BOLL: variants seen among roughly 807,000 people sequenced by gnomAD.
BOLL encodes boule RNA binding protein.
Under a neutral mutation model 44.4 loss-of-function variants are expected in BOLL, and 23 were observed. The observed-to-expected ratio is 0.52, with a 90% CI of 0.37 to 0.73. BOLL has a LOEUF of 0.73. BOLL is among the 30% of genes least tolerant of loss of function. The probability of loss-of-function intolerance (pLI) is 0.00; values close to 1 mark genes in which losing one functional copy is unlikely to be tolerated. For missense variants in BOLL, 287 were observed against 338.3 expected, an observed-to-expected ratio of 0.85 and a Z score of 1.19; for synonymous variants, 97 against 110.8, an observed-to-expected ratio of 0.88 and a Z score of 0.78.
chr2:197,757,491 C>T, intron 7 of BOLL, 91 bp from the exon 8 acceptor site: 2 of 1,076,682 alleles, frequency 1.9e-6, no homozygotes, highest in Admixed American at 4.7e-5. Context: ...GAAGTTGGAC[C>T]CTCACACCAT....
At chr2:197,785,416 G>T, upstream of BOLL, 2 of 981,892 alleles carry the variant, frequency 2.0e-6, no homozygotes, top group East Asian at 1.1e-4. This position sits in a 1 kb window ranked among gnomAD's most constrained non-coding sequence, Gnocchi z 6.7. Flanking sequence ...GGCCTGTGCG[G>T]GCAGTCCTCC....
rs1219931386 is a variant in BOLL, at chr2:197,778,833, A to ACACACACACACAC, written c.221+141_221+142insGTGTGTGTGTGTG. 2.3e-5 allele frequency: 14 copies of ACACACACACACAC among 597,058 alleles called. No individual in the cohort carries two copies. The African/African-American group carries it at 2.7e-4, about 11-fold the overall frequency. The allele number at this position is 597,058 out of a possible 1,614,324, so 37.0% of individuals were successfully genotyped here. A position where few individuals can be genotyped will look rare whatever the true frequency, so the allele number is the denominator to read the frequency against. Reference sequence around the variant, plus strand: ...ACACACACACACACACACACACACAAGGAAATCAAAAGGTAGGAGGAAAGA... The same window carrying ACACACACACACAC: ...ACACACACACACACACACACACACAACACACACACACACGGAAATCAAAAGGTAGGAGGAAAGA... On this transcript the variant is annotated intron_variant, in intron 3 of 10. Transcript: ENST00000392296.
At chr2:197,739,350 C>T (rs955709997) in intron 10 of BOLL, among the ~76,000 whole-genome samples, 1 of 152,120 alleles carries the variant, frequency 6.6e-6, no homozygotes. Flanking sequence ...TAACCTTGAA[C>T]CTTTGGGCTC....
chr2:197,737,123 A>T (rs937932268), intron 10 of BOLL, among the ~76,000 whole-genome samples: 1 of 151,750 alleles, frequency 6.6e-6, no homozygotes, highest in African/African-American at 2.4e-5. Context: ...TTTCTTAAAG[A>T]TCTATTACTG....
intron 10 of BOLL, among the ~76,000 whole-genome samples, chr2:197,734,378 G>A (rs2106314332): frequency 6.6e-6 from 1 of 152,254 alleles, no homozygotes; most frequent in Non-Finnish European, 1.5e-5. Flanking sequence ...CTGTAAACCA[G>A]TTCAACCATT....
At chr2:197,738,574 A>C (rs187761468) in intron 10 of BOLL, among the ~76,000 whole-genome samples, 22 of 152,310 alleles carry the variant, frequency 1.4e-4, no homozygotes, top group Non-Finnish European at 2.6e-4. Flanking sequence ...CAGCAGTTAG[A>C]CTTGTGCTTC....
chr2:197,760,076 C>A (rs1688684312), intron 7 of BOLL, among the ~76,000 whole-genome samples: 1 of 152,154 alleles, frequency 6.6e-6, no homozygotes, highest in South Asian at 2.1e-4. Flanking sequence ...GTGTCCCAGG[C>A]CTGAAAAGCA....
At chr2:197,779,301 T>C (rs1303909298) in intron 2 of BOLL, among the ~76,000 whole-genome samples, 1 of 152,014 alleles carries the variant, frequency 6.6e-6, no homozygotes, top group East Asian at 1.9e-4. Flanking sequence ...GCTGAATTAT[T>C]TTAAAACTAC....
At chr2:197,766,993 T>C (rs1338861995) in intron 6 of BOLL, among the ~76,000 whole-genome samples, 10 of 152,052 alleles carry the variant, frequency 6.6e-5, no homozygotes, top group Admixed American at 6.6e-4. Context: ...TAATAGTGTT[T>C]AGAACTGAAT....
At chr2:197,729,033 C>A (rs1015283666) in intron 10 of BOLL, among the ~76,000 whole-genome samples, 2 of 152,148 alleles carry the variant, frequency 1.3e-5, no homozygotes, top group African/African-American at 4.8e-5. Flanking sequence ...ACGCAGAAGA[C>A]GGGTGATTTC....
chr2:197,760,941 A>T (rs1574843587), intron 7 of BOLL, among the ~76,000 whole-genome samples: 1 of 152,192 alleles, frequency 6.6e-6, no homozygotes, highest in Admixed American at 6.5e-5. Context: ...ATATTTAGAT[A>T]TATTCAAAAT....
chr2:197,728,195 A>T lies in BOLL; in HGVS notation c.*360T>A. 1 of 371,884 alleles carries T rather than the reference A, an allele frequency of 2.7e-6. No homozygotes were observed. Among genetic ancestry groups the T allele is most frequent in the Non-Finnish European group, 4.8e-6 (1 of 209,562 alleles). The allele number at this position is 371,884 out of a possible 1,614,324, so 23.0% of individuals were successfully genotyped here. On this transcript the variant is annotated 3_prime_UTR_variant, in exon 11 of 11. Coordinates refer to ENST00000392296, the MANE Select transcript of BOLL (RefSeq NM_033030.6). ...CAAATAATATGAAACATAACATCTA[A>T]TTGTTTGATAAGAAAAAATAACACA...
intron 6 of BOLL, among the ~76,000 whole-genome samples, chr2:197,767,704 T>C (rs2106369207): frequency 6.6e-6 from 1 of 152,006 alleles, no homozygotes; most frequent in Non-Finnish European, 1.5e-5. Context: ...CTTCTAAACA[T>C]CCTACAGTGC....
At chr2:197,768,254 T>C (rs1011671225) in intron 6 of BOLL, among the ~76,000 whole-genome samples, 1 of 152,026 alleles carries the variant, frequency 6.6e-6, no homozygotes, top group Non-Finnish European at 1.5e-5. Context: ...AATGGAGAGA[T>C]GTATCATGTT....
At chr2:197,743,280 C>T (rs777916226) in intron 9 of BOLL, 121 bp from the exon 10 acceptor site, 18 of 579,466 alleles carry the variant, frequency 3.1e-5, no homozygotes, top group Non-Finnish European at 4.7e-5. Flanking sequence ...AAAACACATG[C>T]CCTTATGTTT....
At chr2:197,781,599 A>G in intron 2 of BOLL, 123 bp downstream of exon 2, 2 of 1,004,182 alleles carry the variant, frequency 2.0e-6, no homozygotes, top group East Asian at 2.7e-5. Context: ...TTATAATAAG[A>G]TAATTCAAAA....
chr2:197,758,880 C>T, intron 7 of BOLL: 8 of 1,413,394 alleles, frequency 5.7e-6, no homozygotes, highest in Non-Finnish European at 7.7e-6. Flanking sequence ...CTGTATCTTA[C>T]TTGGGGAATT....
At chr2:197,743,910 A>C (rs559204088) in intron 9 of BOLL, among the ~76,000 whole-genome samples, 2 of 151,560 alleles carry the variant, frequency 1.3e-5, no homozygotes, top group East Asian at 3.9e-4. Context: ...TCCCGGCTTC[A>C]CACCATTCTC....
chr2:197,757,079 A>G, intron 8 of BOLL, among the ~76,000 whole-genome samples: 1 of 152,128 alleles, frequency 6.6e-6, no homozygotes, highest in Admixed American at 6.5e-5. Flanking sequence ...AAAAAAGGGT[A>G]AGTTTTCATG....
Sources: allele counts gnomAD v4.1 joint callset (sites outside exome capture counted in the v4.1 genomes callset), GRCh38; gene constraint gnomAD v4.1.1; non-coding constraint Gnocchi (gnomAD v3.1); transcripts MANE v1.5; gene names NCBI Gene and HGNC (gene_info 2026-07-23, HGNC 2026-07-21).